The following RUNX2 variants were observed in gnomAD, a reference collection of about 807,000 sequenced individuals.
RUNX2 encodes the protein RUNX family transcription factor 2, also known as runt-related transcription factor 2.
RUNX2 carries 10 observed loss-of-function variants against 51.7 expected under a neutral mutation model. The ratio of observed to expected loss-of-function variants is 0.19; its 90% confidence interval spans 0.12 to 0.33. The LOEUF is 0.33. RUNX2 is among the 10% of genes least tolerant of loss of function. The probability of loss-of-function intolerance (pLI) is 1.00; values close to 1 mark genes in which losing one functional copy is unlikely to be tolerated. For synonymous variants in RUNX2, 276 were observed against 273.6 expected (o/e 1.01, Z -0.09); for missense variants, 562 against 691.3 (o/e 0.81, Z 2.10).
At chr6:45,329,518 A>C (rs1008449420) in intron 2 of RUNX2, among the ~76,000 whole-genome samples, 3 of 152,054 alleles carry the variant, frequency 2.0e-5, no homozygotes, top group Non-Finnish European at 2.9e-5. Flanking sequence ...TTAATTTTAC[A>C]TCTACACACT....
At chr6:45,391,674 G>A (rs1335637156) in intron 2 of RUNX2, among the ~76,000 whole-genome samples, 3 of 152,166 alleles carry the variant, frequency 2.0e-5, no homozygotes, top group Non-Finnish European at 2.9e-5. Context: ...GGAAAGCGAA[G>A]GTGAAGCAAG....
chr6:45,444,959 G>T (rs1290297261), intron 5 of RUNX2, among the ~76,000 whole-genome samples: 1 of 152,138 alleles, frequency 6.6e-6, no homozygotes, highest in Non-Finnish European at 1.5e-5. Flanking sequence ...GTTGGGTGAA[G>T]GAATAGACTT....
At chr6:45,403,420 A>G (rs1318078467) in intron 2 of RUNX2, among the ~76,000 whole-genome samples, 2 of 151,368 alleles carry the variant, frequency 1.3e-5, no homozygotes, top group Non-Finnish European at 2.9e-5. Flanking sequence ...TTTAGTAGAG[A>G]CCGGGTTTCT....
chr6:45,383,850 C>T (rs933319918), intron 2 of RUNX2, among the ~76,000 whole-genome samples: 6 of 152,272 alleles, frequency 3.9e-5, no homozygotes, highest in African/African-American at 1.4e-4. Context: ...CCTGTTATTC[C>T]TACTTCACAT....
chr6:45,398,859 C>T (rs573197800), intron 2 of RUNX2, among the ~76,000 whole-genome samples: 25 of 152,290 alleles, frequency 1.6e-4, no homozygotes, highest in African/African-American at 4.1e-4. Context: ...GACATGAGGA[C>T]GTTGAGACAC....
intron 6 of RUNX2, among the ~76,000 whole-genome samples, chr6:45,498,497 A>G (rs1800711337): frequency 6.6e-6 from 1 of 152,190 alleles, no homozygotes; most frequent in East Asian, 1.9e-4. Flanking sequence ...ACTTAGAGAG[A>G]ATATTTTCAT....
chr6:45,478,152 C>A (rs1800008831), intron 5 of RUNX2, among the ~76,000 whole-genome samples: 1 of 152,180 alleles, frequency 6.6e-6, no homozygotes, highest in Non-Finnish European at 1.5e-5. Context: ...AGTATTTAAT[C>A]TTTGGCTCCT....
At position 45,422,693 on chromosome 6, in the gene RUNX2, ACAGCAGCAGCAG is replaced by A; in HGVS notation, c.162_173del (p.Gln68_Gln71del). On this transcript the variant is annotated inframe_deletion, in exon 3 of 9. Coordinates refer to ENST00000647337, the MANE Select transcript of RUNX2 (RefSeq NM_001024630.4). ...TGGTGGCTGCGCAACAGCAGCAGCA[ACAGCAGCAGCAG>A]CAACAGCAGCAGCAGCAGCAGCAAC... 2 of 1,601,476 alleles carry A rather than the reference ACAGCAGCAGCAG, an allele frequency of 1.2e-6. No individual in the cohort carries two copies. Among genetic ancestry groups the A allele is most frequent in the Non-Finnish European group, 1.7e-6 (2 of 1,175,074 alleles).
Position 45,387,023 on chromosome 6 carries a change from G to C in RUNX2, c.59-35570G>C, listed in dbSNP as rs75028112. On this transcript the variant is annotated intron_variant, in intron 2 of 8. Transcript: ENST00000647337. ...AACAGTTCAGGAAGAGGTGATACGG[G>C]CTAGAGTTAAGTCAATGGAGTAGGA... is the stretch of plus-strand genomic sequence containing the variant. 2.5e-3 allele frequency among the ~76,000 whole-genome samples: 376 copies of C among 152,290 alleles called. 3 individuals are homozygous for C. Among genetic ancestry groups the C allele is most frequent in the African/African-American group, 8.7e-3 (362 of 41,548 alleles).
chr6:45,372,415 A>T (rs972815089), intron 2 of RUNX2, among the ~76,000 whole-genome samples: 1 of 152,246 alleles, frequency 6.6e-6, no homozygotes, highest in Non-Finnish European at 1.5e-5. Context: ...GTATATTCTC[A>T]AAGAATGTTA....
chr6:45,417,130 T>A (rs1286277726), intron 2 of RUNX2, among the ~76,000 whole-genome samples: 1 of 152,236 alleles, frequency 6.6e-6, no homozygotes, highest in Non-Finnish European at 1.5e-5. Context: ...GCTAACTGTC[T>A]GAAAACTGTA....
chr6:45,525,823 C>T (rs753431579), intron 7 of RUNX2, among the ~76,000 whole-genome samples: 7 of 152,016 alleles, frequency 4.6e-5, no homozygotes, highest in East Asian at 1.9e-4. Flanking sequence ...GGCGAAACCC[C>T]GTCTCTACAG....
chr6:45,498,146 CCA>C (rs2150411289), intron 6 of RUNX2, among the ~76,000 whole-genome samples: 1 of 152,254 alleles, frequency 6.6e-6, no homozygotes, highest in South Asian at 2.1e-4. Context: ...GTACTTACCA[CCA>C]AGTACTCTTG....
chr6:45,442,688 C>T (rs1798875375), intron 5 of RUNX2, among the ~76,000 whole-genome samples: 1 of 152,100 alleles, frequency 6.6e-6, no homozygotes, highest in Non-Finnish European at 1.5e-5. Flanking sequence ...AATATAACAT[C>T]CAGTTTATTA....
At chr6:45,532,588 A>C (rs1374231024) in intron 7 of RUNX2, among the ~76,000 whole-genome samples, 2 of 152,134 alleles carry the variant, frequency 1.3e-5, no homozygotes, top group African/African-American at 4.8e-5. Flanking sequence ...TTGTGACCTG[A>C]AGAAGAAGAA....
chr6:45,412,674 CT>C (rs549531306), intron 2 of RUNX2, among the ~76,000 whole-genome samples: 236 of 146,184 alleles, frequency 1.6e-3, no homozygotes, highest in Middle Eastern at 3.6e-3. Flanking sequence ...TTTTTTCCTA[CT>C]TTTTTTTTTT....
intron 5 of RUNX2, among the ~76,000 whole-genome samples, chr6:45,440,848 AC>A (rs1798823766): frequency 6.6e-6 from 1 of 152,184 alleles, no homozygotes; most frequent in South Asian, 2.1e-4. Flanking sequence ...GGAATTTTCT[AC>A]TTGTGGCATC....
chr6:45,475,915 G>T (rs1360652995), intron 5 of RUNX2, among the ~76,000 whole-genome samples: 1 of 152,084 alleles, frequency 6.6e-6, no homozygotes, highest in East Asian at 1.9e-4. Flanking sequence ...TTTTTTCAAG[G>T]GACATTCTAA....
intron 2 of RUNX2, among the ~76,000 whole-genome samples, chr6:45,336,120 T>C (rs1264206824): frequency 6.6e-6 from 1 of 151,328 alleles, no homozygotes; most frequent in Non-Finnish European, 1.5e-5. Flanking sequence ...ATTCTTCTAT[T>C]CTCCCAGTTT....
Sources: allele counts gnomAD v4.1 joint callset (sites outside exome capture counted in the v4.1 genomes callset), GRCh38; gene constraint gnomAD v4.1.1; transcripts MANE v1.5; gene names NCBI Gene and HGNC (gene_info 2026-07-23, HGNC 2026-07-21).